Variants in CD99L2 observed in about 807,000 individuals in gnomAD.
CD99L2 encodes the protein CD99 molecule like 2.
A neutral mutation model predicts 27.3 loss-of-function variants in CD99L2; 24 were observed. The observed-to-expected ratio is 0.88, with a 90% CI of 0.64 to 1.24. The LOEUF (loss-of-function observed/expected upper bound fraction) is 1.24. Ranked by LOEUF, CD99L2 falls within the 50% of genes most tolerant of loss-of-function variation. The pLI, the probability that CD99L2 is intolerant of heterozygous loss-of-function variation, is 0.00. For missense variants in CD99L2, 255 were observed against 221.6 expected, an observed-to-expected ratio of 1.15 and a Z score of -0.96; for synonymous variants, 97 against 87.9, an observed-to-expected ratio of 1.10 and a Z score of -0.58.
At chrX:150,898,481 G>C in intron 1 of CD99L2, 41 bp downstream of exon 1, 28 of 1,061,846 alleles carry the variant, frequency 2.6e-5, no homozygotes, top group Non-Finnish European at 3.3e-5. Context: ...CCACAAGGCG[G>C]GGTCCCCGCG....
intron 4 of CD99L2, among the ~76,000 whole-genome samples, chrX:150,804,157 A>C (rs1294538843): frequency 2.7e-5 from 3 of 112,096 alleles, no homozygotes; most frequent in Non-Finnish European, 5.6e-5. Flanking sequence ...GTCACATGTT[A>C]GGTCACAGAA....
intron 7 of CD99L2, among the ~76,000 whole-genome samples, chrX:150,781,825 AG>A (rs1603287620): frequency 8.9e-6 from 1 of 112,436 alleles, no homozygotes; most frequent in Admixed American, 9.4e-5. Flanking sequence ...GAGGCCCTGT[AG>A]AAAGGAGGCA....
intron 2 of CD99L2, 142 bp downstream of exon 2, chrX:150,831,089 G>T: frequency 2.1e-6 from 1 of 483,849 alleles, no homozygotes; most frequent in Non-Finnish European, 3.3e-6. Context: ...GATTACAGGC[G>T]TGAGCTACCG....
chrX:150,864,783 G>A (rs1190285425), intron 1 of CD99L2, among the ~76,000 whole-genome samples: 1 of 112,627 alleles, frequency 8.9e-6, no homozygotes, highest in African/African-American at 3.2e-5. Flanking sequence ...CATATTTAAT[G>A]ACATATAAAG....
intron 1 of CD99L2, among the ~76,000 whole-genome samples, chrX:150,896,736 G>A (rs1557423094): frequency 8.9e-6 from 1 of 112,263 alleles, no homozygotes; most frequent in Admixed American, 9.4e-5. Context: ...TCCCTAAGTA[G>A]TCGAAGTGGG....
intron 1 of CD99L2, among the ~76,000 whole-genome samples, chrX:150,864,929 G>A (rs1415806007): frequency 2.7e-5 from 3 of 110,134 alleles, no homozygotes; most frequent in Non-Finnish European, 5.7e-5. Context: ...AGCTGGATGT[G>A]GTGGTGCACA....
chrX:150,887,377 C>T (rs781861597), intron 1 of CD99L2, among the ~76,000 whole-genome samples: 14 of 109,274 alleles, frequency 1.3e-4, no homozygotes, highest in Non-Finnish European at 2.5e-4. Context: ...GCCCGGGAGG[C>T]GGAGGTTGCA....
chrX:150,800,641 CA>C (rs1557420056), intron 4 of CD99L2, among the ~76,000 whole-genome samples: 1 of 110,955 alleles, frequency 9.0e-6, no homozygotes, highest in Non-Finnish European at 1.9e-5. Context: ...CAATGCCCAG[CA>C]AATACTAAAG....
intron 2 of CD99L2, among the ~76,000 whole-genome samples, chrX:150,822,155 G>A (rs1439665290): frequency 8.9e-6 from 1 of 112,149 alleles, no homozygotes; most frequent in African/African-American, 3.2e-5. Flanking sequence ...ACAAAATTGT[G>A]GTATGTCTAC....
At chrX:150,889,969 G>A (rs972310459) in intron 1 of CD99L2, among the ~76,000 whole-genome samples, 82 of 108,579 alleles carry the variant, frequency 7.6e-4, no homozygotes, top group Non-Finnish European at 1.3e-3. Context: ...TGGCTAACAC[G>A]GTGAAACCCC....
intron 1 of CD99L2, among the ~76,000 whole-genome samples, chrX:150,897,280 G>A (rs1259846333): frequency 2.7e-5 from 3 of 112,240 alleles, no homozygotes; most frequent in African/African-American, 3.2e-5. Context: ...TTTTCTGCCC[G>A]GACCAGGATG....
chrX:150,832,669 A>G (rs944516803), intron 1 of CD99L2, among the ~76,000 whole-genome samples: 1 of 112,157 alleles, frequency 8.9e-6, no homozygotes. Context: ...GGCAAGAACA[A>G]GAAATAAAAG....
chrX:150,815,497 T>A (rs1569565974), intron 3 of CD99L2, among the ~76,000 whole-genome samples: 1 of 111,808 alleles, frequency 8.9e-6, no homozygotes, highest in African/African-American at 3.3e-5. Flanking sequence ...ATGACTGGGA[T>A]CCCAGCCACA....
chrX:150,772,553 C>G (rs903139421), intron 9 of CD99L2, among the ~76,000 whole-genome samples: 2 of 112,879 alleles, frequency 1.8e-5, no homozygotes, highest in African/African-American at 3.2e-5. Context: ...CAAACTCAGG[C>G]TCAGCCAGGA....
chrX:150,772,813 G>T (rs943546604), intron 9 of CD99L2, among the ~76,000 whole-genome samples: 2 of 110,970 alleles, frequency 1.8e-5, no homozygotes, highest in Non-Finnish European at 3.8e-5. Flanking sequence ...GACATGAGGT[G>T]GGGGGACAGG....
intron 7 of CD99L2, among the ~76,000 whole-genome samples, chrX:150,790,973 C>T (rs2045677970): frequency 9.0e-6 from 1 of 111,016 alleles, no homozygotes; most frequent in African/African-American, 3.3e-5. Context: ...AGGTCGACCC[C>T]TCATGATAGG....
chrX:150,787,592 G>T (rs1418490515), intron 7 of CD99L2, among the ~76,000 whole-genome samples: 1 of 109,663 alleles, frequency 9.1e-6, no homozygotes, highest in Non-Finnish European at 1.9e-5. Flanking sequence ...CATGTCCTTT[G>T]CAGGGACATG....
At chrX:150,818,932 A>C (rs927520341) in intron 2 of CD99L2, 8 of 363,330 alleles carry the variant, frequency 2.2e-5, no homozygotes, top group Admixed American at 5.4e-5. Context: ...TCCAGGGTTT[A>C]TGTGCTAGGG....
chrX:150,785,819 A>G (rs1346428953), intron 7 of CD99L2, among the ~76,000 whole-genome samples: 3 of 112,312 alleles, frequency 2.7e-5, no homozygotes, highest in Admixed American at 9.4e-5. Flanking sequence ...TCGTATCAGT[A>G]ACTCATCCCA....
Sources: gnomAD v4.1 joint callset for allele counts (sites outside exome capture counted in the v4.1 genomes callset) on GRCh38, gnomAD v4.1.1 for gene constraint, MANE v1.5 for transcripts, NCBI Gene and HGNC (gene_info 2026-07-23, HGNC 2026-07-21) for gene names.